The following DIP2C variants were observed in gnomAD, a reference collection of about 807,000 sequenced individuals.
The protein encoded by DIP2C is disco-interacting protein 2 homolog C.
In DIP2C, 33 loss-of-function variants were observed where a neutral mutation model predicts 192.4. The observed-to-expected ratio is 0.17, with a 90% CI of 0.13 to 0.23. The LOEUF (loss-of-function observed/expected upper bound fraction) is 0.23, where lower values mean the gene tolerates loss of function less well. Ranked by LOEUF, DIP2C falls within the 10% of genes least tolerant of loss-of-function variation. The pLI is 1.00. For synonymous variants in DIP2C, 979 were observed against 864.1 expected, an observed-to-expected ratio of 1.13 and a Z score of -2.33; for missense variants, 1,537 against 2,110.1, an observed-to-expected ratio of 0.73 and a Z score of 5.32.
At chr10:515,332 A>G (rs1846280679) in intron 1 of DIP2C, among the ~76,000 whole-genome samples, 1 of 152,208 alleles carries the variant, frequency 6.6e-6, no homozygotes, top group African/African-American at 2.4e-5. Context: ...ATGCATAGTT[A>G]TTTACCTAGC....
chr10:431,975 TCTTTTC>T (rs1318521957), intron 4 of DIP2C, among the ~76,000 whole-genome samples: 1 of 152,230 alleles, frequency 6.6e-6, no homozygotes, highest in Non-Finnish European at 1.5e-5. Flanking sequence ...TTTGTCAAAT[TCTTTTC>T]CTTTTTCTTA....
At chr10:586,844 C>T (rs1252206477) in intron 1 of DIP2C, among the ~76,000 whole-genome samples, 8 of 130,564 alleles carry the variant, frequency 6.1e-5, no homozygotes, top group African/African-American at 2.7e-4. Context: ...CTGCCCCCCA[C>T]ATTTTGTGGG....
At chr10:656,773 G>C (rs1029930599) in intron 1 of DIP2C, among the ~76,000 whole-genome samples, 1 of 152,132 alleles carries the variant, frequency 6.6e-6, no homozygotes, top group Non-Finnish European at 1.5e-5. Flanking sequence ...GTGAATGGAA[G>C]GCAACAAGGA....
At chr10:301,694 C>T (rs899355640) in intron 32 of DIP2C, among the ~76,000 whole-genome samples, 66 of 152,330 alleles carry the variant, frequency 4.3e-4, no homozygotes, top group African/African-American at 1.5e-3. Flanking sequence ...GAAAACACAC[C>T]TTGGAGGGGC....
chr10:312,224 G>A (rs113683396), intron 31 of DIP2C, among the ~76,000 whole-genome samples: 3 of 152,192 alleles, frequency 2.0e-5, no homozygotes, highest in African/African-American at 4.8e-5. Flanking sequence ...TCTCCTCCTC[G>A]TCATCCATGG....
intron 1 of DIP2C, among the ~76,000 whole-genome samples, chr10:554,733 A>G (rs1848753458): frequency 6.6e-6 from 1 of 152,210 alleles, no homozygotes; most frequent in Admixed American, 6.5e-5. Flanking sequence ...TGAGAAATAC[A>G]GCCTGGGGAG....
chr10:345,324 A>C (rs1958386555), intron 26 of DIP2C, among the ~76,000 whole-genome samples: 1 of 150,298 alleles, frequency 6.7e-6, no homozygotes, highest in African/African-American at 2.5e-5. Context: ...AAGCTGCTGC[A>C]TCTGCACTTC....
At position 454,356 on chromosome 10, in the gene DIP2C, A is replaced by G. The variant is rs370824369; in HGVS notation, c.269-13360T>C. Among the ~76,000 whole-genome samples, 21 of 152,316 alleles carry G rather than the reference A, an allele frequency of 1.4e-4. 1 individual carries two copies. The South Asian group carries it at 4.1e-3, about 30-fold the overall frequency. The stretch of plus-strand genomic sequence containing the variant: ...TTAACAGCGTTTCTTAAAGTACTAA[A>G]AAGGGATAAAATACTAAAAATACTA... On this transcript the variant is annotated intron_variant, in intron 3 of 36. Coordinates refer to ENST00000280886, the MANE Select transcript of DIP2C (RefSeq NM_014974.3).
At chr10:383,574 A>T (rs1474158456) in intron 16 of DIP2C, among the ~76,000 whole-genome samples, 1 of 152,234 alleles carries the variant, frequency 6.6e-6, no homozygotes, top group Non-Finnish European at 1.5e-5. Flanking sequence ...ACGACAAATT[A>T]ATTTACTGAT....
chr10:558,853 G>C (rs1849043278), intron 1 of DIP2C, among the ~76,000 whole-genome samples: 1 of 152,164 alleles, frequency 6.6e-6, no homozygotes, highest in African/African-American at 2.4e-5. Context: ...TCCCACTGAA[G>C]AGCTGGGGCT....
chr10:385,081 G>A (rs942972468), intron 14 of DIP2C, among the ~76,000 whole-genome samples: 9 of 151,750 alleles, frequency 5.9e-5, no homozygotes, highest in Admixed American at 1.3e-4. Context: ...GGAGCGCCAC[G>A]GACACCAGGC....
intron 17 of DIP2C, among the ~76,000 whole-genome samples, chr10:381,414 T>C (rs1223564240): frequency 2.6e-5 from 4 of 152,126 alleles, no homozygotes; most frequent in East Asian, 1.9e-4. Context: ...CTTTAATCCT[T>C]TTCGGTCCTT....
intron 1 of DIP2C, among the ~76,000 whole-genome samples, chr10:606,766 T>C (rs1331922713): frequency 1.3e-5 from 2 of 152,164 alleles, no homozygotes; most frequent in African/African-American, 4.8e-5. Context: ...AACGTTTCTA[T>C]AACCTCAAAA....
intron 1 of DIP2C, among the ~76,000 whole-genome samples, chr10:491,446 C>T (rs1844442890): frequency 6.6e-6 from 1 of 152,226 alleles, no homozygotes; most frequent in South Asian, 2.1e-4. Flanking sequence ...GGCAAGGCCG[C>T]AGCCTCGTTT....
intron 1 of DIP2C, among the ~76,000 whole-genome samples, chr10:627,703 C>T (rs1250030543): frequency 6.6e-6 from 1 of 152,246 alleles, no homozygotes; most frequent in African/African-American, 2.4e-5. Flanking sequence ...CTTTTGAGAT[C>T]GTTGAGGGCC....
chr10:555,579 A>T (rs1264020078), intron 1 of DIP2C, among the ~76,000 whole-genome samples: 2 of 152,088 alleles, frequency 1.3e-5, no homozygotes, highest in African/African-American at 4.8e-5. Flanking sequence ...CAGGTGACTC[A>T]TATTTAGGAA....
intron 1 of DIP2C, among the ~76,000 whole-genome samples, chr10:632,337 T>A (rs1420206547): frequency 6.6e-6 from 1 of 151,896 alleles, no homozygotes; most frequent in Non-Finnish European, 1.5e-5. Context: ...GGCACCAGCG[T>A]GAACTCAGAC....
chr10:592,971 G>GT (rs1851489343), intron 1 of DIP2C, among the ~76,000 whole-genome samples: 1 of 152,114 alleles, frequency 6.6e-6, no homozygotes, highest in African/African-American at 2.4e-5. Context: ...CTTCAAACAG[G>GT]TAACAGTTTG....
intron 1 of DIP2C, among the ~76,000 whole-genome samples, chr10:606,697 T>C (rs1852511067): frequency 6.6e-6 from 1 of 152,258 alleles, no homozygotes; most frequent in Non-Finnish European, 1.5e-5. Context: ...GGGATCTCAC[T>C]GCTTAAGCAC....
Sources: allele counts gnomAD v4.1 joint callset (sites outside exome capture counted in the v4.1 genomes callset), GRCh38; gene constraint gnomAD v4.1.1; transcripts MANE v1.5; gene names NCBI Gene and HGNC (gene_info 2026-07-23, HGNC 2026-07-21).